Variants in CSMD1 observed in about 807,000 individuals in gnomAD.
CSMD1 encodes the protein CUB and sushi domain-containing protein 1.
CSMD1 carries 213 observed loss-of-function variants against 417.5 expected under a neutral mutation model. The observed-to-expected ratio is 0.51, with a 90% CI of 0.46 to 0.57. The LOEUF is 0.57. CSMD1 is among the 20% of genes least tolerant of loss of function. CSMD1 has a pLI of 0.00. For synonymous variants in CSMD1, 2,862 were observed against 1,736.8 expected, an observed-to-expected ratio of 1.65 and a Z score of -16.11; for missense variants, 6,923 against 4,529.7, an observed-to-expected ratio of 1.53 and a Z score of -15.17.
chr8:4,711,620 T>A (rs1237557678), intron 1 of CSMD1, among the ~76,000 whole-genome samples: 1 of 152,112 alleles, frequency 6.6e-6, no homozygotes, highest in Admixed American at 6.6e-5. Context: ...TGTAAGAGAA[T>A]TATTTTTGCA....
intron 5 of CSMD1, among the ~76,000 whole-genome samples, chr8:3,978,222 G>A (rs867486462): frequency 1.3e-5 from 2 of 152,150 alleles, no homozygotes; most frequent in Non-Finnish European, 2.9e-5. Flanking sequence ...TGTGTGCTAG[G>A]ATTCCCAGCG....
chr8:3,083,662 TTTTTTTTTTTTTTTTTTTG>T (rs1563320779), intron 49 of CSMD1, among the ~76,000 whole-genome samples: 1 of 77,194 alleles, frequency 1.3e-5, no homozygotes, highest in African/African-American at 5.2e-5. Context: ...TTTTTTTTTT[TTTTTTTTTTTTTTTTTTTG>T]GTCTCATTCT....
chr8:4,017,320 G>C (rs893473709), intron 4 of CSMD1, among the ~76,000 whole-genome samples: 1 of 151,844 alleles, frequency 6.6e-6, no homozygotes, highest in African/African-American at 2.4e-5. Context: ...TTTTAGGGGA[G>C]GGAGGACAAA....
At chr8:4,342,138 C>T (rs769663674) in intron 3 of CSMD1, among the ~76,000 whole-genome samples, 4 of 151,906 alleles carry the variant, frequency 2.6e-5, no homozygotes, top group East Asian at 1.9e-4. Context: ...GACAAGAAGC[C>T]AATCTAAGAC....
intron 3 of CSMD1, among the ~76,000 whole-genome samples, chr8:4,067,030 G>A (rs1022163712): frequency 5.3e-5 from 8 of 152,220 alleles, no homozygotes; most frequent in Non-Finnish European, 8.8e-5. Context: ...TTAGTTTTGT[G>A]TATGATGAAA....
chr8:4,578,303 T>A (rs1030736921), intron 2 of CSMD1, among the ~76,000 whole-genome samples: 1 of 147,288 alleles, frequency 6.8e-6, no homozygotes, highest in Admixed American at 6.9e-5. Context: ...GTAGCTGGGA[T>A]TACAGGCACC....
In CSMD1 at chr8:4,346,202, A is replaced by C. The variant is rs561757861; in HGVS notation, c.415+73751T>G. ...ATATGGCCTGCTAATTTATCTGGAC[A>C]GCTCATTTGCTAAGAATGATTTTTA... On this transcript the variant is annotated intron_variant, in intron 3 of 69. Coordinates refer to ENST00000635120, the MANE Select transcript of CSMD1 (RefSeq NM_033225.6). Among the ~76,000 whole-genome samples, 290 of 152,298 alleles carry C rather than the reference A, an allele frequency of 1.9e-3. 2 individuals carry two copies. Among genetic ancestry groups the C allele is most frequent in the African/African-American group, 6.7e-3 (278 of 41,572 alleles).
At chr8:2,943,889 T>A (rs977160983) in intron 68 of CSMD1, among the ~76,000 whole-genome samples, 12 of 152,220 alleles carry the variant, frequency 7.9e-5, no homozygotes, top group Admixed American at 4.6e-4. Context: ...TTCAAAGAGA[T>A]GTTGCTGTAT....
intron 2 of CSMD1, among the ~76,000 whole-genome samples, chr8:4,559,901 G>A (rs1325866598): frequency 6.6e-6 from 1 of 152,180 alleles, no homozygotes; most frequent in African/African-American, 2.4e-5. Context: ...TGGGTAACTT[G>A]GGTTTCTCAT....
intron 1 of CSMD1, among the ~76,000 whole-genome samples, chr8:4,855,609 T>G (rs892816044): frequency 6.6e-6 from 1 of 151,952 alleles, no homozygotes; most frequent in African/African-American, 2.4e-5. Context: ...GAGAACTACG[T>G]GAAGAATGCA....
chr8:4,920,446 T>G (rs762104200), intron 1 of CSMD1, among the ~76,000 whole-genome samples: 6 of 152,198 alleles, frequency 3.9e-5, no homozygotes, highest in Non-Finnish European at 7.3e-5. Flanking sequence ...ACATTAGTTT[T>G]GAAAACAAAA....
chr8:4,168,496 T>C (rs1797583806), intron 3 of CSMD1, among the ~76,000 whole-genome samples: 1 of 152,004 alleles, frequency 6.6e-6, no homozygotes, highest in Admixed American at 6.6e-5. Context: ...AAAAAAGGGC[T>C]CTAACATGCA....
intron 12 of CSMD1, among the ~76,000 whole-genome samples, chr8:3,451,548 C>A (rs937625515): frequency 1.3e-5 from 2 of 152,150 alleles, no homozygotes; most frequent in Non-Finnish European, 2.9e-5. Context: ...AGCCAGTTTT[C>A]CCAGCACCAT....
At chr8:4,387,942 T>A (rs934235048) in intron 3 of CSMD1, among the ~76,000 whole-genome samples, 1 of 152,032 alleles carries the variant, frequency 6.6e-6, no homozygotes, top group East Asian at 1.9e-4. Context: ...CAACAAAGGA[T>A]TTCATGTCTG....
At chr8:3,484,035 G>T (rs1817887610) in intron 11 of CSMD1, among the ~76,000 whole-genome samples, 1 of 152,042 alleles carries the variant, frequency 6.6e-6, no homozygotes, top group Admixed American at 6.5e-5. Context: ...CACAATCCCA[G>T]CAATGTTTTT....
intron 25 of CSMD1, among the ~76,000 whole-genome samples, chr8:3,301,117 T>C (rs1017627522): frequency 2.0e-5 from 3 of 152,132 alleles, no homozygotes; most frequent in African/African-American, 7.2e-5. Flanking sequence ...TAATACATGA[T>C]TTCTTCAATT....
chr8:4,064,733 C>G (rs1404905937), intron 3 of CSMD1, among the ~76,000 whole-genome samples: 1 of 152,188 alleles, frequency 6.6e-6, no homozygotes, highest in Non-Finnish European at 1.5e-5. Flanking sequence ...TCAACCTTCA[C>G]AACCGAGATC....
At chr8:4,919,883 G>T (rs1415492378) in intron 1 of CSMD1, among the ~76,000 whole-genome samples, 4 of 152,190 alleles carry the variant, frequency 2.6e-5, no homozygotes, top group African/African-American at 9.6e-5. Context: ...CTTCCCTCCA[G>T]AGGGTGCAGC....
rs1800502439 is a variant in CSMD1, at chr8:3,695,513, A to G, written c.1009+12901T>C. 2.0e-5 allele frequency among the ~76,000 whole-genome samples: 3 copies of G among 152,204 alleles called. No homozygotes were observed. The South Asian group carries it at 6.2e-4, about 32-fold the overall frequency. ...ATGATAATTAGCGTTTATCACAGAT[A>G]CAGAAGAGAACAATAATATAATATT... On this transcript the variant is annotated intron_variant, in intron 7 of 69. Coordinates refer to ENST00000635120, the MANE Select transcript of CSMD1 (RefSeq NM_033225.6).
Sources: allele counts gnomAD v4.1 joint callset (sites outside exome capture counted in the v4.1 genomes callset), GRCh38; gene constraint gnomAD v4.1.1; transcripts MANE v1.5; gene names NCBI Gene and HGNC (gene_info 2026-07-23, HGNC 2026-07-21).